CDKAL1: variants seen among roughly 807,000 people sequenced by gnomAD.
CDKAL1 encodes the protein threonylcarbamoyladenosine tRNA methylthiotransferase.
Under a neutral mutation model 68.2 loss-of-function variants are expected in CDKAL1, and 32 were observed. That is an observed-to-expected ratio of 0.47 (90% CI 0.35 to 0.63). The LOEUF (loss-of-function observed/expected upper bound fraction) is 0.63, where lower values mean the gene tolerates loss of function less well. CDKAL1 is among the 30% of genes least tolerant of loss of function. CDKAL1 has a pLI of 0.00. For synonymous variants in CDKAL1, 234 were observed against 244.3 expected, an observed-to-expected ratio of 0.96 and a Z score of 0.39; for missense variants, 606 against 696.7, an observed-to-expected ratio of 0.87 and a Z score of 1.47.
intron 4 of CDKAL1, among the ~76,000 whole-genome samples, chr6:20,646,048 A>ATTTTTTTTTTTTTTT (rs1171622769): frequency 1.1e-5 from 1 of 87,364 alleles, no homozygotes; most frequent in Non-Finnish European, 2.0e-5. Context: ...TCACGGTTAA[A>ATTTTTTTTTTTTTTT]TTTTTTTTTT....
intron 13 of CDKAL1, among the ~76,000 whole-genome samples, chr6:21,116,911 A>G (rs1167072389): frequency 6.6e-6 from 1 of 152,212 alleles, no homozygotes; most frequent in Non-Finnish European, 1.5e-5. Context: ...GGAAGAAACT[A>G]GCAAAGGGAC....
intron 11 of CDKAL1, among the ~76,000 whole-genome samples, chr6:21,062,419 CTTTTTA>C (rs1771191451): frequency 6.6e-6 from 1 of 152,058 alleles, no homozygotes; most frequent in Non-Finnish European, 1.5e-5. Flanking sequence ...CAAAAATGGT[CTTTTTA>C]TTTATAGCTT....
At chr6:20,954,446 G>A (rs1027935865) in intron 9 of CDKAL1, among the ~76,000 whole-genome samples, 2 of 152,210 alleles carry the variant, frequency 1.3e-5, no homozygotes, top group Non-Finnish European at 2.9e-5. Context: ...GTGCCTGTGT[G>A]TGTGTGTTGA....
chr6:20,602,591 CTT>C (rs945120094), intron 4 of CDKAL1, among the ~76,000 whole-genome samples: 6 of 152,156 alleles, frequency 3.9e-5, no homozygotes, highest in African/African-American at 1.4e-4. Flanking sequence ...TAATTATAGT[CTT>C]TTGAGGATTG....
At chr6:21,114,104 C>A (rs922385204) in intron 13 of CDKAL1, among the ~76,000 whole-genome samples, 1 of 151,888 alleles carries the variant, frequency 6.6e-6, no homozygotes, top group East Asian at 2.0e-4. Flanking sequence ...AAAAATTAGC[C>A]GGGCGTGGTG....
At chr6:20,552,593 T>C (rs946037199) in intron 4 of CDKAL1, among the ~76,000 whole-genome samples, 1 of 145,330 alleles carries the variant, frequency 6.9e-6, no homozygotes, top group Non-Finnish European at 1.5e-5. Flanking sequence ...AAAGAGAAAA[T>C]AAGGAAGTAA....
At chr6:20,978,862 TG>T (rs1343714721) in intron 10 of CDKAL1, among the ~76,000 whole-genome samples, 2 of 152,190 alleles carry the variant, frequency 1.3e-5, no homozygotes, top group South Asian at 2.1e-4. Flanking sequence ...TTTTGTTTGT[TG>T]GGGCACTAGC....
chr6:21,193,971 C>G (rs1342085002), intron 13 of CDKAL1, among the ~76,000 whole-genome samples: 2 of 152,124 alleles, frequency 1.3e-5, no homozygotes, highest in Admixed American at 1.3e-4. Context: ...CTGAGAAGTC[C>G]AAGATCAGGC....
chr6:20,784,412 C>CTTTCTTT (rs1775572357), intron 8 of CDKAL1, among the ~76,000 whole-genome samples: 9 of 33,498 alleles, frequency 2.7e-4, no homozygotes, highest in African/African-American at 9.3e-4. Flanking sequence ...TATTTTATTT[C>CTTTCTTT]TTTTTTTTTT....
chr6:21,056,640 TATG>T (rs1176536291), intron 11 of CDKAL1, among the ~76,000 whole-genome samples: 1 of 152,216 alleles, frequency 6.6e-6, no homozygotes, highest in African/African-American at 2.4e-5. Flanking sequence ...TCCCATTCAG[TATG>T]ATATTGGCTG....
At chr6:20,903,456 G>A (rs948939408) in intron 9 of CDKAL1, among the ~76,000 whole-genome samples, 4 of 152,228 alleles carry the variant, frequency 2.6e-5, no homozygotes, top group Non-Finnish European at 5.9e-5. Flanking sequence ...CAGCGATCTC[G>A]ATGTTCCCTT....
intron 13 of CDKAL1, among the ~76,000 whole-genome samples, chr6:21,114,117 C>T (rs542513923): frequency 6.6e-6 from 1 of 151,160 alleles, no homozygotes; most frequent in Non-Finnish European, 1.5e-5. Context: ...GCGTGGTGGC[C>T]GGCGCCTGTA....
intron 13 of CDKAL1, among the ~76,000 whole-genome samples, chr6:21,135,442 A>G (rs1775543511): frequency 6.6e-6 from 1 of 152,178 alleles, no homozygotes; most frequent in Admixed American, 6.5e-5. Flanking sequence ...AGTATGCAGG[A>G]TGATAGGTTC....
chr6:20,986,021 G>A (rs1561938388), intron 10 of CDKAL1, among the ~76,000 whole-genome samples: 1 of 151,990 alleles, frequency 6.6e-6, no homozygotes, highest in Non-Finnish European at 1.5e-5. Flanking sequence ...ACTTGTTCAG[G>A]AATGAGTCTA....
chr6:20,998,581 A>G lies in CDKAL1; in HGVS notation c.910-1646A>G, dbSNP rs557832092. Among the ~76,000 whole-genome samples, 6 of 152,026 alleles carry G rather than the reference A, an allele frequency of 3.9e-5. 1 individual carries two copies. The highest frequency in any genetic ancestry group is 4.2e-4 in the South Asian group (2 of 4,806). On this transcript the variant is annotated intron_variant, in intron 10 of 15. Transcript: ENST00000274695. ...AGCTGAGATCGCGCCAGTGCACTCCAGCCTGGGTGACAGAGCAAAATTCCA... is the reference window on the plus strand; with the variant it reads ...AGCTGAGATCGCGCCAGTGCACTCCGGCCTGGGTGACAGAGCAAAATTCCA...
chr6:20,652,969 G>C (rs1343688604), intron 5 of CDKAL1, among the ~76,000 whole-genome samples: 1 of 152,022 alleles, frequency 6.6e-6, no homozygotes, highest in Non-Finnish European at 1.5e-5. Context: ...GTGTTGTCTT[G>C]TTTAGCCGTA....
chr6:21,117,183 A>G (rs571831897), intron 13 of CDKAL1, among the ~76,000 whole-genome samples: 1 of 152,250 alleles, frequency 6.6e-6, no homozygotes, highest in East Asian at 1.9e-4. Flanking sequence ...CCAGAGGACA[A>G]ACTTGGCTAG....
intron 8 of CDKAL1, among the ~76,000 whole-genome samples, chr6:20,796,026 G>A (rs1274832148): frequency 6.6e-6 from 1 of 152,138 alleles, no homozygotes; most frequent in African/African-American, 2.4e-5. Context: ...AGGAGTCAAT[G>A]TTAGATATAC....
chr6:20,904,250 C>G (rs950958983), intron 9 of CDKAL1, among the ~76,000 whole-genome samples: 4 of 152,144 alleles, frequency 2.6e-5, no homozygotes, highest in African/African-American at 9.7e-5. Flanking sequence ...AAGGTCTAGT[C>G]CAGGGCTGGG....
Sources: allele counts gnomAD v4.1 joint callset (sites outside exome capture counted in the v4.1 genomes callset), GRCh38; gene constraint gnomAD v4.1.1; transcripts MANE v1.5; gene names NCBI Gene and HGNC (gene_info 2026-07-23, HGNC 2026-07-21).